PRKAR1A: variants seen among roughly 807,000 people sequenced by gnomAD.
PRKAR1A encodes cAMP-dependent protein kinase type I-alpha regulatory subunit.
PRKAR1A carries 3 observed loss-of-function variants against 52.0 expected under a neutral mutation model. That is an observed-to-expected ratio of 0.06 (90% confidence interval 0.03 to 0.15). The LOEUF is 0.15. Ranked by LOEUF, PRKAR1A falls within the 10% of genes least tolerant of loss-of-function variation. The probability of loss-of-function intolerance (pLI) is 1.00; values close to 1 mark genes in which losing one functional copy is unlikely to be tolerated. For synonymous variants in PRKAR1A, 188 were observed against 168.4 expected (o/e 1.12, Z -0.90); for missense variants, 240 against 477.4 (o/e 0.50, Z 4.63).
the PRKAR1A span, among the ~76,000 whole-genome samples, chr17:68,454,755 G>A: frequency 6.6e-6 from 1 of 152,194 alleles, no homozygotes; most frequent in Non-Finnish European, 1.5e-5. Context: ...GGTTTGTAAA[G>A]TTTGCAAGTA....
chr17:68,511,951 G>GC (rs2085273311), upstream of PRKAR1A: 1 of 152,378 alleles, frequency 6.6e-6, no homozygotes, highest in Admixed American at 6.5e-5. Flanking sequence ...CATCTGAGAC[G>GC]CCCCACGTGG....
chr17:68,497,789 G>A, the PRKAR1A span, among the ~76,000 whole-genome samples: 2 of 152,298 alleles, frequency 1.3e-5, no homozygotes, highest in South Asian at 4.1e-4. Context: ...TGACTCCTGA[G>A]CTGTTGCTCT....
At chr17:68,445,731 C>T in the PRKAR1A span, among the ~76,000 whole-genome samples, 1 of 152,216 alleles carries the variant, frequency 6.6e-6, no homozygotes, top group South Asian at 2.1e-4. Context: ...TAGCCCAGTA[C>T]AAGGGCAGAC....
At chr17:68,540,732 G>T in intron 11 of PRKAR1A, 1 of 1,261,658 alleles carries the variant, frequency 7.9e-7, no homozygotes, top group Non-Finnish European at 1.1e-6. Flanking sequence ...GGCTGTGGGA[G>T]GTGCAGAGTT....
chr17:68,530,203 TTCTC>T, intron 10 of PRKAR1A, 70 bp from the exon 11 acceptor site: 1 of 1,565,586 alleles, frequency 6.4e-7, no homozygotes, highest in Non-Finnish European at 8.8e-7. Flanking sequence ...ATTGTCTTCT[TTCTC>T]AGAAGTGCAC....
chr17:68,523,584 C>G (rs150405748), intron 3 of PRKAR1A, 141 bp from the exon 4 acceptor site: 60 of 698,442 alleles, frequency 8.6e-5, no homozygotes, highest in Non-Finnish European at 2.3e-5. Context: ...AAAGATAGTA[C>G]AAGTGTGTTG....
chr17:68,421,906 A>AGAGT, the PRKAR1A span: 1 of 1,561,312 alleles, frequency 6.4e-7, no homozygotes, highest in Non-Finnish European at 8.8e-7. Flanking sequence ...GTGCCCATGC[A>AGAGT]GAGTGAGCAG....
At chr17:68,495,030 T>C in the PRKAR1A span, among the ~76,000 whole-genome samples, 5 of 152,152 alleles carry the variant, frequency 3.3e-5, no homozygotes, top group Non-Finnish European at 7.4e-5. Context: ...CCTACTGTAC[T>C]CTTCTTTATA....
At chr17:68,426,337 C>T in the PRKAR1A span, among the ~76,000 whole-genome samples, 1 of 152,108 alleles carries the variant, frequency 6.6e-6, no homozygotes, top group South Asian at 2.1e-4. Flanking sequence ...ATAATCCTCA[C>T]CATCTGCCAT....
the PRKAR1A span, among the ~76,000 whole-genome samples, chr17:68,502,952 C>T: frequency 6.6e-6 from 1 of 151,966 alleles, no homozygotes; most frequent in African/African-American, 2.4e-5. Flanking sequence ...TGTATTCAAC[C>T]AAAATATAGA....
chr17:68,533,234 G>A lies in PRKAR1A; in HGVS notation c.*2785G>A. On this transcript the variant is annotated 3_prime_UTR_variant, in exon 11 of 11. Transcript: ENST00000589228. Reference sequence around the variant, plus strand: ...ATGCTCTTAGATTTCTGAGGAGTGAGATGATTAAGTTGTATTCATTAGTGT... The same window carrying A: ...ATGCTCTTAGATTTCTGAGGAGTGAAATGATTAAGTTGTATTCATTAGTGT... 1 of 1,060,690 alleles carries A rather than the reference G, an allele frequency of 9.4e-7. No homozygotes were observed. The highest frequency in any genetic ancestry group is 1.6e-5 in the African/African-American group (1 of 61,098). The allele number at this position is 1,060,690 out of a possible 1,614,324, so 65.7% of individuals were successfully genotyped here.
the PRKAR1A span, among the ~76,000 whole-genome samples, chr17:68,495,951 T>TC: frequency 3.1e-4 from 38 of 121,712 alleles, no homozygotes; most frequent in African/African-American, 1.1e-3. Flanking sequence ...TTTCCTTTCC[T>TC]TTCCTCTCCT....
downstream of PRKAR1A, chr17:68,536,715 C>G: frequency 2.2e-6 from 1 of 454,072 alleles, no homozygotes; most frequent in South Asian, 1.6e-5. Flanking sequence ...CCATGCCATC[C>G]TGACCTTGGA....
At chr17:68,480,871 C>T in the PRKAR1A span, among the ~76,000 whole-genome samples, 4 of 152,194 alleles carry the variant, frequency 2.6e-5, no homozygotes, top group Non-Finnish European at 5.9e-5. Flanking sequence ...TCCTGAGCTA[C>T]TGGATAATTT....
the PRKAR1A span, among the ~76,000 whole-genome samples, chr17:68,489,339 GTATATA>G: frequency 6.7e-3 from 148 of 21,980 alleles, 9 homozygotes; most frequent in East Asian, 0.016. Context: ...TATATGGAAA[GTATATA>G]TATATATATA....
At chr17:68,426,253 G>GGGGGGGGGGGGGGGGGT in the PRKAR1A span, 2 of 841,018 alleles carry the variant, frequency 2.4e-6, no homozygotes, top group Non-Finnish European at 3.8e-6. Flanking sequence ...GGGGAGCGGG[G>GGGGGGGGGGGGGGGGGT]GCTCAAATAA....
chr17:68,503,699 TC>T, the PRKAR1A span, among the ~76,000 whole-genome samples: 1 of 152,160 alleles, frequency 6.6e-6, no homozygotes, highest in Non-Finnish European at 1.5e-5. Flanking sequence ...TAGGAAAAAA[TC>T]TAATAATCCA....
chr17:68,473,514 A>AT, the PRKAR1A span, among the ~76,000 whole-genome samples: 2 of 151,908 alleles, frequency 1.3e-5, no homozygotes, highest in African/African-American at 2.4e-5. Context: ...GACCTATTTT[A>AT]TTATTTATTT....
chr17:68,452,764 T>C, the PRKAR1A span: 1 of 629,708 alleles, frequency 1.6e-6, no homozygotes. Context: ...GGCAACGATT[T>C]ATATTTAAAT....
Sources: allele counts gnomAD v4.1 joint callset (sites outside exome capture counted in the v4.1 genomes callset), GRCh38; gene constraint gnomAD v4.1.1; transcripts MANE v1.5; gene names NCBI Gene and HGNC (gene_info 2026-07-23, HGNC 2026-07-21).